Variants in LRP11 observed in about 807,000 individuals in gnomAD.
LRP11 encodes LDL receptor related protein 11.
Under a neutral mutation model 43.1 loss-of-function variants are expected in LRP11, and 25 were observed. The ratio of observed to expected loss-of-function variants is 0.58; its 90% CI spans 0.42 to 0.81. LRP11 has a LOEUF of 0.81. Ranked by LOEUF, LRP11 falls within the 30% of genes least tolerant of loss-of-function variation. The probability of loss-of-function intolerance (pLI) is 0.00; values close to 1 mark genes in which losing one functional copy is unlikely to be tolerated. For synonymous variants in LRP11, 316 were observed against 299.4 expected (o/e 1.06, Z -0.57); for missense variants, 623 against 665.1 (o/e 0.94, Z 0.70).
intron 2 of LRP11, 89 bp from the exon 3 acceptor site, chr6:149,843,213 A>G: frequency 2.7e-6 from 4 of 1,493,210 alleles, no homozygotes; most frequent in Non-Finnish European, 2.8e-6. Flanking sequence ...ATGTCCTCAG[A>G]GCAGCCCCAG....
intron 1 of LRP11, among the ~76,000 whole-genome samples, chr6:149,854,926 C>G (rs1356485662): frequency 1.3e-5 from 2 of 152,232 alleles, no homozygotes; most frequent in Non-Finnish European, 2.9e-5. Context: ...GGTGACCACT[C>G]TTGATACATT....
At chr6:149,861,134 T>C (rs1776886213) in intron 1 of LRP11, among the ~76,000 whole-genome samples, 1 of 152,126 alleles carries the variant, frequency 6.6e-6, no homozygotes, top group Admixed American at 6.5e-5. Flanking sequence ...TTCTAAACCA[T>C]TTTCACATGC....
At chr6:149,826,668 G>A (rs148227506) in intron 5 of LRP11, among the ~76,000 whole-genome samples, 134 of 152,148 alleles carry the variant, frequency 8.8e-4, no homozygotes, top group African/African-American at 3.1e-3. Flanking sequence ...GGGAGTCTCC[G>A]GATATCACGC....
At position 149,820,489 on chromosome 6, in the gene LRP11, A is replaced by C. The variant is rs1776263941; in HGVS notation, c.*60T>G. 1 of 717,766 alleles carries C rather than the reference A, an allele frequency of 1.4e-6. No homozygotes were observed. The highest frequency in any genetic ancestry group is 1.6e-5 in the South Asian group (1 of 63,106). 44.5% of individuals were successfully genotyped at this position (717,766 alleles called of 1,614,324 possible). A position where few individuals can be genotyped will look rare whatever the true frequency, so the allele number is the denominator to read the frequency against. ...AAGAAGCTGTAAATATCCAGAACTT[A>C]ATAGATGTATAAATTATAAACAAAA... On this transcript the variant is annotated 3_prime_UTR_variant, in exon 7 of 7. Coordinates refer to ENST00000239367, the MANE Select transcript of LRP11 (RefSeq NM_032832.6).
chr6:149,829,104 T>C (rs969361529), intron 5 of LRP11, among the ~76,000 whole-genome samples: 1 of 152,070 alleles, frequency 6.6e-6, no homozygotes, highest in Non-Finnish European at 1.5e-5. Flanking sequence ...TAAAAACCAC[T>C]TGTGGCACTT....
chr6:149,820,550 T>TATAG lies in LRP11; in HGVS notation c.1498_1501dup (p.Ter501SerfsTer5). ...CCCCAAGGTATTGAAATTACATTAC[T>TATAG]ATAGATACATCCCATTTATGAGGTA... On this transcript the variant is annotated frameshift_variant and stop_lost, in exon 7 of 7. Transcript: ENST00000239367. 2.6e-6 allele frequency: 2 copies of TATAG among 780,748 alleles called. No individual in the cohort carries two copies. The highest frequency in any genetic ancestry group is 1.7e-5 in the African/African-American group (1 of 59,260). 48.4% of individuals were successfully genotyped at this position (780,748 alleles called of 1,614,324 possible).
In LRP11 at chr6:149,863,783, GCAGCTC is replaced by G. The variant is rs780822598; in HGVS notation, c.232_237del (p.Glu78_Leu79del). 1.4e-6 allele frequency: 2 copies of G among 1,480,574 alleles called. No homozygotes were observed. The highest frequency in any genetic ancestry group is 1.8e-6 in the Non-Finnish European group (2 of 1,122,408). The allele number at this position is 1,480,574 out of a possible 1,614,324, so 91.7% of individuals were successfully genotyped here. A position where few individuals can be genotyped will look rare whatever the true frequency, so the allele number is the denominator to read the frequency against. ...TCCTCCTGGGGGCCGCCGCCCGCGC[GCAGCTC>G]CAGCTCCAGCTCCTCCTGAGGCCGC... On this transcript the variant is annotated inframe_deletion, in exon 1 of 7. Coordinates refer to ENST00000239367, the MANE Select transcript of LRP11 (RefSeq NM_032832.6).
At chr6:149,854,703 G>A (rs1316802318) in intron 1 of LRP11, among the ~76,000 whole-genome samples, 1 of 152,192 alleles carries the variant, frequency 6.6e-6, no homozygotes, top group Non-Finnish European at 1.5e-5. Flanking sequence ...CAAAGCTCTG[G>A]TTCGAGTGCT....
chr6:149,832,007 G>A (rs550427807), intron 5 of LRP11, among the ~76,000 whole-genome samples: 3 of 152,246 alleles, frequency 2.0e-5, no homozygotes, highest in Admixed American at 6.5e-5. Flanking sequence ...CTGGAAGGAC[G>A]TACTAATTGC....
chr6:149,848,195 AAAAC>A lies in LRP11; in HGVS notation c.771+4804_771+4807del, dbSNP rs201608589. 5.1e-4 allele frequency among the ~76,000 whole-genome samples: 77 copies of A among 151,958 alleles called. No individual in the cohort carries two copies. In the East Asian group the frequency reaches 0.013, roughly 26 times the overall value. On this transcript the variant is annotated intron_variant, in intron 2 of 6. Coordinates refer to ENST00000239367, the MANE Select transcript of LRP11 (RefSeq NM_032832.6). ...GTTATTAAAAAGTAAAAAACAAAAC[AAAAC>A]AAAAAAAACCCCACCAGATGCTGGT...
intron 1 of LRP11, among the ~76,000 whole-genome samples, chr6:149,859,396 A>ATATATATATATATATATTTTTTTTTT: frequency 1.4e-5 from 1 of 71,512 alleles, no homozygotes; most frequent in African/African-American, 8.2e-5. Context: ...ATATATATAT[A>ATATATATATATATATATTTTTTTTTT]TTTTTTTTTT....
chr6:149,839,187 G>C (rs549530596), intron 3 of LRP11, among the ~76,000 whole-genome samples: 29 of 151,870 alleles, frequency 1.9e-4, no homozygotes, highest in African/African-American at 5.3e-4. Flanking sequence ...AAGCCACTGC[G>C]CCCGGCCTTG....
chr6:149,842,987 T>G lies in LRP11; in HGVS notation c.909A>C (p.Thr303=), dbSNP rs1776572365. The change falls in exon 3 of 7, where the codon ACA becomes ACC. Residue 303 remains threonine, a synonymous_variant. Coordinates refer to ENST00000239367, the MANE Select transcript of LRP11 (RefSeq NM_032832.6). ...AGGGAAGGACTTTCTTCTCACCTCC[T>G]GTGGAGTAGGCTGCGCGAAGCACTG... ...SVTVLRAAYS[T]GGCLHTCSRY... The G allele has an allele frequency of 6.2e-7, 1 of 1,614,084 alleles. No homozygotes were observed. Among genetic ancestry groups the G allele is most frequent in the Admixed American group, 1.7e-5 (1 of 60,000 alleles).
At chr6:149,841,201 A>T (rs1415457834) in intron 3 of LRP11, among the ~76,000 whole-genome samples, 1 of 152,212 alleles carries the variant, frequency 6.6e-6, no homozygotes, top group Non-Finnish European at 1.5e-5. Flanking sequence ...TATGCATACT[A>T]ACCTCAGTTT....
intron 5 of LRP11, among the ~76,000 whole-genome samples, chr6:149,830,802 G>A (rs993290347): frequency 4.6e-5 from 7 of 152,164 alleles, no homozygotes; most frequent in African/African-American, 4.8e-5. Flanking sequence ...ATCAGGCAGC[G>A]GGCAGTGTGC....
At chr6:149,832,000 G>C (rs1156678597) in intron 5 of LRP11, among the ~76,000 whole-genome samples, 1 of 152,102 alleles carries the variant, frequency 6.6e-6, no homozygotes, top group African/African-American at 2.4e-5. Flanking sequence ...CTGGCCTCTG[G>C]AAGGACGTAC....
chr6:149,832,583 T>C (rs541575807), intron 5 of LRP11, among the ~76,000 whole-genome samples: 1 of 151,772 alleles, frequency 6.6e-6, no homozygotes, highest in Non-Finnish European at 1.5e-5. Flanking sequence ...CTGATGGTCT[T>C]CTTAAAACCC....
chr6:149,856,382 G>T (rs1368536590), intron 1 of LRP11, among the ~76,000 whole-genome samples: 2 of 152,086 alleles, frequency 1.3e-5, no homozygotes, highest in Non-Finnish European at 2.9e-5. Flanking sequence ...TCACTGATGT[G>T]TCTGAAATAA....
In LRP11 at chr6:149,829,688, C is replaced by A. The variant is rs368984484; in HGVS notation, c.1253-3329G>T. On this transcript the variant is annotated intron_variant, in intron 5 of 6. Coordinates refer to ENST00000239367, the MANE Select transcript of LRP11 (RefSeq NM_032832.6). ...AGAGGACTAACTGGTTTGTCTTTCA[C>A]CCAATAAAAAAAATAAGATAACTGC... is the stretch of plus-strand genomic sequence containing the variant. Among the ~76,000 whole-genome samples, 7 of 152,084 alleles carry A rather than the reference C, an allele frequency of 4.6e-5. No homozygotes were observed. In the East Asian group the frequency reaches 1.2e-3, roughly 25 times the overall value.
Sources: allele counts gnomAD v4.1 joint callset (sites outside exome capture counted in the v4.1 genomes callset), GRCh38; gene constraint gnomAD v4.1.1; transcripts MANE v1.5; gene names NCBI Gene and HGNC (gene_info 2026-07-23, HGNC 2026-07-21).